Variants in MCCC1 observed in about 807,000 individuals in gnomAD.
The protein encoded by MCCC1 is methylcrotonyl-CoA carboxylase subunit 1.
A neutral mutation model predicts 83.8 loss-of-function variants in MCCC1; 64 were observed. That is an observed-to-expected ratio of 0.76 (90% confidence interval 0.62 to 0.94). The LOEUF is 0.94. MCCC1 is among the 40% of genes least tolerant of loss of function. MCCC1 has a pLI of 0.00. For missense variants in MCCC1, 807 were observed against 904.7 expected (o/e 0.89, Z 1.39); for synonymous variants, 322 against 315.4 (o/e 1.02, Z -0.22).
intron 4 of MCCC1, among the ~76,000 whole-genome samples, chr3:183,084,921 T>G (rs1037587232): frequency 2.0e-5 from 3 of 152,056 alleles, no homozygotes; most frequent in African/African-American, 7.2e-5. Flanking sequence ...AATTGAGGAC[T>G]ATGTACAAGC....
intron 13 of MCCC1, among the ~76,000 whole-genome samples, chr3:183,034,471 A>C (rs1447291559): frequency 1.4e-5 from 2 of 138,418 alleles, no homozygotes; most frequent in African/African-American, 3.0e-5. Flanking sequence ...AAAAAAAAAC[A>C]AAAAAACACA....
intron 15 of MCCC1, among the ~76,000 whole-genome samples, chr3:183,024,479 C>T (rs1394488896): frequency 1.3e-5 from 2 of 151,728 alleles, no homozygotes; most frequent in Non-Finnish European, 1.5e-5. Context: ...GCAGAGGACT[C>T]GAATAGAGAT....
intron 1 of MCCC1, chr3:183,099,123 G>A (rs1718957078): frequency 5.0e-6 from 3 of 600,946 alleles, no homozygotes; most frequent in Non-Finnish European, 8.9e-6. Context: ...AGAAGCCAAA[G>A]GCGCGCTGAA....
Position 183,098,860 on chromosome 3 carries a change from CTT to C in MCCC1, c.89+490_89+491del, listed in dbSNP as rs752662189. On this transcript the variant is annotated intron_variant, in intron 1 of 18. Coordinates refer to ENST00000265594, the MANE Select transcript of MCCC1 (RefSeq NM_020166.5). The stretch of plus-strand genomic sequence containing the variant: ...AACAATGAGAAGGAACTCCAGGAGT[CTT>C]TCTCTGAACTGGACACCTGATGGGG... 4.5e-5 allele frequency: 8 copies of C among 176,064 alleles called. No homozygotes were observed. The East Asian group carries it at 1.2e-3, about 27-fold the overall frequency. 10.9% of individuals were successfully genotyped at this position (176,064 alleles called of 1,614,324 possible).
intron 14 of MCCC1, among the ~76,000 whole-genome samples, chr3:183,027,293 T>A (rs1712690566): frequency 6.6e-6 from 1 of 152,172 alleles, no homozygotes; most frequent in African/African-American, 2.4e-5. Context: ...GAAATTAGAC[T>A]AATTAATAAC....
intron 3 of MCCC1, among the ~76,000 whole-genome samples, chr3:183,088,098 T>G (rs1303042004): frequency 2.0e-5 from 3 of 151,864 alleles, no homozygotes; most frequent in African/African-American, 7.3e-5. Flanking sequence ...GACAGAAAGC[T>G]GGGCACAGAT....
upstream of MCCC1, among the ~76,000 whole-genome samples, chr3:183,103,879 G>C (rs78834293): frequency 6.6e-6 from 1 of 152,210 alleles, no homozygotes; most frequent in Non-Finnish European, 1.5e-5. Context: ...TGCAGGTCCC[G>C]AGCCCTGCCC....
chr3:183,076,289 T>C (rs1169398210), intron 4 of MCCC1, among the ~76,000 whole-genome samples: 2 of 152,186 alleles, frequency 1.3e-5, no homozygotes, highest in African/African-American at 2.4e-5. Flanking sequence ...ATACAGTACA[T>C]AGTATTATGT....
At chr3:183,094,352 C>A (rs1383353941) in intron 2 of MCCC1, among the ~76,000 whole-genome samples, 5 of 151,908 alleles carry the variant, frequency 3.3e-5, no homozygotes, top group Admixed American at 3.3e-4. Flanking sequence ...CCCGGCTGCC[C>A]TCTGTATTTT....
chr3:183,113,295 T>C (rs926157450), intron 1 of MCCC1, among the ~76,000 whole-genome samples: 6 of 149,980 alleles, frequency 4.0e-5, no homozygotes, highest in African/African-American at 1.5e-4. Context: ...AAAGCTGAAG[T>C]AGAACAGCAA....
At chr3:183,082,690 C>T (rs1008991939) in intron 4 of MCCC1, among the ~76,000 whole-genome samples, 4 of 152,130 alleles carry the variant, frequency 2.6e-5, no homozygotes, top group Admixed American at 2.6e-4. Flanking sequence ...ATCGAGAGAA[C>T]GAGTGTGGCC....
intron 2 of MCCC1, among the ~76,000 whole-genome samples, chr3:183,093,587 T>C (rs1718519445): frequency 6.6e-6 from 1 of 152,210 alleles, no homozygotes; most frequent in South Asian, 2.1e-4. Context: ...AAATAAATGT[T>C]CTTTGACAGT....
At chr3:183,017,029 A>C in intron 18 of MCCC1, 1 of 553,938 alleles carries the variant, frequency 1.8e-6, no homozygotes, top group South Asian at 2.1e-5. Flanking sequence ...CCTGATTCCA[A>C]GCTATTGATA....
chr3:183,054,472 C>G (rs1482506933), intron 8 of MCCC1, among the ~76,000 whole-genome samples: 1 of 152,112 alleles, frequency 6.6e-6, no homozygotes, highest in Admixed American at 6.5e-5. Flanking sequence ...CAGGCGTGAG[C>G]CACCGCGCCC....
chr3:183,049,730 A>G (rs147264876), intron 9 of MCCC1, among the ~76,000 whole-genome samples: 212 of 152,318 alleles, frequency 1.4e-3, no homozygotes, highest in African/African-American at 4.8e-3. Flanking sequence ...TAATAAAGAA[A>G]TATTATGAAT....
intron 4 of MCCC1, among the ~76,000 whole-genome samples, chr3:183,084,003 G>A (rs192403236): frequency 1.3e-5 from 2 of 152,290 alleles, no homozygotes; most frequent in East Asian, 3.9e-4. Context: ...ATCACTGGGG[G>A]ATCTTGATAA....
At chr3:183,074,644 C>T (rs75270952) in intron 4 of MCCC1, among the ~76,000 whole-genome samples, 3,666 of 152,196 alleles carry the variant, frequency 0.024, 159 homozygotes, top group African/African-American at 0.085. Flanking sequence ...AATGCAATGC[C>T]AGATACAGAT....
rs571663661 is a variant in MCCC1, at chr3:183,112,728, G to A, written c.-102+2746C>T. On this transcript the variant is annotated intron_variant, in intron 1 of 17. Coordinates refer to the MCCC1 transcript ENST00000492597. ...CAGCATGTATACCAGCATGCAAACC[G>A]TTCCAGACTTTACCCTATGTATCTC... Among the ~76,000 whole-genome samples the A allele has an allele frequency of 7.9e-5, 12 of 151,950 alleles. No individual in the cohort carries two copies. In the South Asian group the frequency reaches 8.3e-4, roughly 11 times the overall value.
intron 17 of MCCC1, 46 bp from the exon 18 acceptor site, chr3:183,017,383 CT>C (rs1560199721): frequency 6.3e-7 from 1 of 1,579,486 alleles, no homozygotes; most frequent in African/African-American, 1.3e-5. Context: ...CACAGAGGTC[CT>C]AGATATGTTC....
Sources: gnomAD v4.1 joint callset for allele counts (sites outside exome capture counted in the v4.1 genomes callset) on GRCh38, gnomAD v4.1.1 for gene constraint, MANE v1.5 for transcripts, NCBI Gene and HGNC (gene_info 2026-07-23, HGNC 2026-07-21) for gene names.